GRID1: variants seen among roughly 807,000 people sequenced by gnomAD.
GRID1 encodes the protein glutamate ionotropic receptor delta type subunit 1.
In GRID1, 28 loss-of-function variants were observed where a neutral mutation model predicts 98.0. The observed-to-expected ratio is 0.29, with a 90% CI of 0.21 to 0.39. The LOEUF is 0.39. Ranked by LOEUF, GRID1 falls within the 10% of genes least tolerant of loss-of-function variation. GRID1 has a pLI of 1.00. For missense variants in GRID1, 1,111 were observed against 1,340.5 expected (o/e 0.83, Z 2.67); for synonymous variants, 553 against 538.5 (o/e 1.03, Z -0.37).
intron 2 of GRID1, among the ~76,000 whole-genome samples, chr10:86,286,592 T>C (rs971994930): frequency 6.6e-6 from 1 of 152,120 alleles, no homozygotes; most frequent in Non-Finnish European, 1.5e-5. Flanking sequence ...ACGAGGCAGA[T>C]AGGAAACACT....
chr10:85,728,183 T>C, intron 9 of GRID1, 131 bp from the exon 10 acceptor site: 1 of 702,626 alleles, frequency 1.4e-6, no homozygotes. Context: ...CAGGCTCAAC[T>C]TCTCTGCCTT....
chr10:85,929,023 G>A (rs1384276648), intron 4 of GRID1, among the ~76,000 whole-genome samples: 1 of 152,194 alleles, frequency 6.6e-6, no homozygotes. Flanking sequence ...CAAAGTCTGG[G>A]AGATAGATAG....
At position 85,724,416 on chromosome 10, in the gene GRID1, C is replaced by G; in HGVS notation, c.1794G>C (p.Arg598Ser). ...TGTGCAGAGTGGCAGAAGCTGACGGCCTGGGCTGGGCAGCACTCTGAGCCC... is the reference window on the plus strand; with the variant it reads ...TGTGCAGAGTGGCAGAAGCTGACGGGCTGGGCTGGGCAGCACTCTGAGCCC... Reference protein sequence around the residue: ...AVRAQSAAQPRPSASATLHSA... With the variant: ...AVRAQSAAQPSPSASATLHSA... Residue 598 changes from arginine (R) to serine (S), a missense_variant, in exon 11 of 16, where the codon AGG (arginine) becomes AGC (serine). Around this residue, in one of 3 missense-constraint regions of GRID1, gnomAD observed 762 missense variants for 869.1 expected, o/e 0.88. Transcript: ENST00000327946. 1 of 1,614,116 alleles carries G rather than the reference C, an allele frequency of 6.2e-7. No individual in the cohort carries two copies. Among genetic ancestry groups the G allele is most frequent in the East Asian group, 2.2e-5 (1 of 44,860 alleles).
chr10:86,087,956 A>T lies in GRID1; in HGVS notation c.726+50863T>A, dbSNP rs201432201. On this transcript the variant is annotated intron_variant, in intron 4 of 15. Coordinates refer to ENST00000327946, the MANE Select transcript of GRID1 (RefSeq NM_017551.3). ...TCTGCTTATGCAGAGCACGTCCTAC[A>T]GTCAGTGCAGAAGCAGGAACTGTCT... Among the ~76,000 whole-genome samples the T allele has an allele frequency of 5.9e-5, 9 of 152,300 alleles. No homozygotes were observed. The East Asian group carries it at 1.4e-3, about 23-fold the overall frequency.
At chr10:86,038,008 T>C (rs1843292558) in intron 4 of GRID1, among the ~76,000 whole-genome samples, 1 of 152,082 alleles carries the variant, frequency 6.6e-6, no homozygotes, top group Admixed American at 6.5e-5. Flanking sequence ...ATGACTGGTG[T>C]CCTTATAAGA....
At chr10:86,030,521 T>C (rs970407399) in intron 4 of GRID1, among the ~76,000 whole-genome samples, 6 of 152,350 alleles carry the variant, frequency 3.9e-5, no homozygotes, top group South Asian at 2.1e-4. Flanking sequence ...GTGCTGCAGA[T>C]AGAACCATGC....
chr10:85,967,149 C>T (rs1355122307), intron 4 of GRID1, among the ~76,000 whole-genome samples: 1 of 152,210 alleles, frequency 6.6e-6, no homozygotes, highest in Non-Finnish European at 1.5e-5. Context: ...GATTGTGAGG[C>T]CTCCCCAGCC....
Position 85,916,179 on chromosome 10 carries a change from C to T in GRID1, c.780+7G>A, listed in dbSNP as rs754011699. 14 of 1,607,504 alleles carry T rather than the reference C, an allele frequency of 8.7e-6. No homozygotes were observed. Among genetic ancestry groups the T allele is most frequent in the African/African-American group, 1.3e-5 (1 of 74,774 alleles). ...GGCCGTGCTCATCACATTTCTAGAGCCCTTACCTCATTCACAAAGACCCAG... is the reference window on the plus strand; with the variant it reads ...GGCCGTGCTCATCACATTTCTAGAGTCCTTACCTCATTCACAAAGACCCAG... On this transcript the variant is annotated splice_region_variant and intron_variant, in intron 5 of 15. Transcript: ENST00000327946. This position sits in a 1 kb window ranked among gnomAD's most constrained non-coding sequence, Gnocchi z 4.0.
At chr10:86,351,550 A>G (rs1190563000) in intron 2 of GRID1, among the ~76,000 whole-genome samples, 4 of 152,214 alleles carry the variant, frequency 2.6e-5, no homozygotes. Flanking sequence ...AGCACACAGG[A>G]CTAAAGGAGC....
At position 86,260,464 on chromosome 10, in the gene GRID1, G is replaced by A. The variant is rs1846998891; in HGVS notation, c.236-53816C>T. 2.0e-5 allele frequency among the ~76,000 whole-genome samples: 3 copies of A among 152,186 alleles called. No homozygotes were observed. In the South Asian group the frequency reaches 6.2e-4, roughly 31 times the overall value. On this transcript the variant is annotated intron_variant, in intron 2 of 15. Transcript: ENST00000327946. ...CCACCCCAACCATGTGTCCCACTCT[G>A]TCTTCCTGGTTGGAGCTTCATCAAT... is the stretch of plus-strand genomic sequence containing the variant.
intron 8 of GRID1, among the ~76,000 whole-genome samples, chr10:85,750,405 T>G (rs1161985585): frequency 6.6e-6 from 1 of 152,026 alleles, no homozygotes; most frequent in Non-Finnish European, 1.5e-5. Context: ...CTGCCCAACC[T>G]CATAGGCAGA....
chr10:86,080,828 G>A (rs1416043803), intron 4 of GRID1, among the ~76,000 whole-genome samples: 2 of 152,160 alleles, frequency 1.3e-5, no homozygotes, highest in African/African-American at 4.8e-5. Context: ...AATTTGGACC[G>A]CCAGATTTTA....
intron 5 of GRID1, among the ~76,000 whole-genome samples, chr10:85,899,144 A>G (rs1841341943): frequency 6.6e-6 from 1 of 152,220 alleles, no homozygotes; most frequent in African/African-American, 2.4e-5. Context: ...GTAACACAGA[A>G]GTGTATAAGT....
intron 8 of GRID1, among the ~76,000 whole-genome samples, chr10:85,810,237 T>G (rs1034949775): frequency 1.6e-4 from 24 of 151,708 alleles, no homozygotes; most frequent in Admixed American, 2.6e-4. Context: ...AGTAGCAACT[T>G]TGGGCCTCCA....
intron 2 of GRID1, among the ~76,000 whole-genome samples, chr10:86,215,485 C>A (rs534017855): frequency 3.0e-4 from 46 of 152,314 alleles, no homozygotes; most frequent in African/African-American, 1.1e-3. Flanking sequence ...TCATTAATGA[C>A]TTTTACTGCT....
At chr10:85,820,726 C>A (rs1842762553) in intron 8 of GRID1, among the ~76,000 whole-genome samples, 2 of 152,018 alleles carry the variant, frequency 1.3e-5, no homozygotes, top group Admixed American at 1.3e-4. Flanking sequence ...TACCATTATA[C>A]CATTTATAAT....
intron 3 of GRID1, among the ~76,000 whole-genome samples, chr10:86,178,776 G>A (rs3898607): frequency 0.53 from 80,115 of 151,862 alleles, 22,844 homozygotes; most frequent in Non-Finnish European, 0.66. Context: ...GTTTCTCCCC[G>A]GCCTCCCTGC....
chr10:85,834,985 T>C (rs1026685034), intron 8 of GRID1, among the ~76,000 whole-genome samples: 1 of 152,130 alleles, frequency 6.6e-6, no homozygotes, highest in Admixed American at 6.5e-5. Flanking sequence ...GGTGGGTTAA[T>C]GTCAAAAAAT....
intron 4 of GRID1, among the ~76,000 whole-genome samples, chr10:86,031,920 C>A (rs564138730): frequency 6.6e-6 from 1 of 152,190 alleles, no homozygotes; most frequent in East Asian, 1.9e-4. Flanking sequence ...TCTTCCCCTA[C>A]GTCCCATTGG....
Sources: allele counts gnomAD v4.1 joint callset (sites outside exome capture counted in the v4.1 genomes callset), GRCh38; gene constraint gnomAD v4.1.1; regional missense constraint gnomAD v4.1.1; non-coding constraint Gnocchi (gnomAD v3.1); transcripts MANE v1.5; gene names NCBI Gene and HGNC (gene_info 2026-07-23, HGNC 2026-07-21).